Variants in XKR9 observed in about 807,000 individuals in gnomAD.
The protein encoded by XKR9 is XK related 9.
In XKR9, 32 loss-of-function variants were observed where a neutral mutation model predicts 32.0. The observed-to-expected ratio is 1.00, with a 90% CI of 0.76 to 1.34. The LOEUF (loss-of-function observed/expected upper bound fraction) is 1.34. Among genes scored for constraint, XKR9 ranks in the 40% most tolerant of loss-of-function variants. XKR9 has a pLI of 0.00. For synonymous variants in XKR9, 168 were observed against 143.4 expected (o/e 1.17, Z -1.22); for missense variants, 546 against 429.7 (o/e 1.27, Z -2.39).
chr8:70,837,042 G>A, the XKR9 span, among the ~76,000 whole-genome samples: 3 of 152,184 alleles, frequency 2.0e-5, no homozygotes, highest in South Asian at 4.1e-4. Context: ...GAGCCTGAAT[G>A]GTTCAAAATA....
chr8:70,809,698 T>C, the XKR9 span, among the ~76,000 whole-genome samples: 1 of 152,054 alleles, frequency 6.6e-6, no homozygotes, highest in East Asian at 1.9e-4. Context: ...GTATCAGTGA[T>C]GGAAGATCAA....
chr8:70,723,656 C>T (rs965820088), intron 4 of XKR9, among the ~76,000 whole-genome samples: 1 of 152,200 alleles, frequency 6.6e-6, no homozygotes, highest in Admixed American at 6.5e-5. Context: ...TGCAGAACAG[C>T]AAAGATTGCT....
the XKR9 span, among the ~76,000 whole-genome samples, chr8:70,964,482 G>A: frequency 6.6e-6 from 1 of 152,138 alleles, no homozygotes; most frequent in African/African-American, 2.4e-5. Flanking sequence ...TTTTAAAATT[G>A]TTTATTCTAA....
At chr8:70,786,537 G>C (rs984934219) in intron 2 of XKR9, among the ~76,000 whole-genome samples, 1 of 151,212 alleles carries the variant, frequency 6.6e-6, no homozygotes, top group African/African-American at 2.4e-5. Flanking sequence ...TCCTTTTTTT[G>C]CTTCTTTTTA....
intron 2 of XKR9, among the ~76,000 whole-genome samples, chr8:70,741,991 T>A (rs1209585186): frequency 6.6e-6 from 1 of 151,828 alleles, no homozygotes; most frequent in Non-Finnish European, 1.5e-5. Flanking sequence ...TTGATAATGG[T>A]CACCCTAATG....
chr8:70,698,160 AG>A (rs1805362641), intron 3 of XKR9, among the ~76,000 whole-genome samples: 1 of 151,926 alleles, frequency 6.6e-6, no homozygotes, highest in Admixed American at 6.6e-5. Context: ...AATTTTTTGA[AG>A]GTTTTTTTGT....
At chr8:71,040,946 G>C in the XKR9 span, among the ~76,000 whole-genome samples, 3 of 151,948 alleles carry the variant, frequency 2.0e-5, no homozygotes, top group African/African-American at 7.3e-5. Flanking sequence ...TTGGTCAGAT[G>C]GTCTGAACAT....
At chr8:70,707,181 A>C (rs1461245058) in intron 4 of XKR9, 28 bp downstream of exon 4, 2 of 1,580,358 alleles carry the variant, frequency 1.3e-6, no homozygotes, top group Non-Finnish European at 1.7e-6. Flanking sequence ...CCTTGTGTTA[A>C]ATGGATGCCA....
At chr8:70,679,454 TATAAGGCTGAAA>T (rs1462582079) in intron 2 of XKR9, among the ~76,000 whole-genome samples, 1 of 152,136 alleles carries the variant, frequency 6.6e-6, no homozygotes. Flanking sequence ...GAAAATAAAG[TATAAGGCTGAAA>T]AGAATACATC....
intron 3 of XKR9, among the ~76,000 whole-genome samples, chr8:70,706,119 A>G (rs531277261): frequency 1.2e-4 from 18 of 152,240 alleles, no homozygotes; most frequent in Admixed American, 2.0e-4. Flanking sequence ...CCTTTATTTT[A>G]TATGTGAAGA....
At chr8:70,896,429 T>G in the XKR9 span, among the ~76,000 whole-genome samples, 180 of 152,190 alleles carry the variant, frequency 1.2e-3, no homozygotes, top group African/African-American at 4.2e-3. Context: ...ATTCTGTCTT[T>G]CAAGACACTG....
At chr8:70,990,310 A>G in the XKR9 span, among the ~76,000 whole-genome samples, 1 of 152,202 alleles carries the variant, frequency 6.6e-6, no homozygotes, top group Non-Finnish European at 1.5e-5. Context: ...CTCTGATATA[A>G]AAGCTCACAT....
At chr8:70,788,553 T>C (rs1807722100) in intron 2 of XKR9, among the ~76,000 whole-genome samples, 1 of 152,094 alleles carries the variant, frequency 6.6e-6, no homozygotes, top group Non-Finnish European at 1.5e-5. Context: ...AATATCCAAG[T>C]CTGTACTGAA....
chr8:71,053,285 G>T, the XKR9 span, among the ~76,000 whole-genome samples: 3 of 152,228 alleles, frequency 2.0e-5, no homozygotes, highest in African/African-American at 7.2e-5. Context: ...TGGATCCGGA[G>T]TATAGCCTGG....
chr8:70,899,926 G>C, the XKR9 span, among the ~76,000 whole-genome samples: 1,471 of 152,150 alleles, frequency 9.7e-3, 22 homozygotes, highest in African/African-American at 0.034. Flanking sequence ...TATCTGTAGA[G>C]TGCATTTCTA....
At chr8:70,769,521 C>G (rs532607836) in intron 2 of XKR9, among the ~76,000 whole-genome samples, 114 of 152,006 alleles carry the variant, frequency 7.5e-4, no homozygotes, top group Non-Finnish European at 1.3e-3. Flanking sequence ...GGATAATATC[C>G]TGAAGTGTGT....
the XKR9 span, among the ~76,000 whole-genome samples, chr8:70,995,076 TA>T: frequency 6.6e-6 from 1 of 152,230 alleles, no homozygotes; most frequent in Non-Finnish European, 1.5e-5. Flanking sequence ...CTTTACAAAC[TA>T]TGTCCTGCTT....
chr8:71,042,089 A>G, the XKR9 span, among the ~76,000 whole-genome samples: 160 of 152,200 alleles, frequency 1.1e-3, 3 homozygotes, highest in South Asian at 0.032. Flanking sequence ...CCAGAGAGAG[A>G]GTGACTGCCA....
chr8:70,850,315 G>C, the XKR9 span, among the ~76,000 whole-genome samples: 1 of 151,728 alleles, frequency 6.6e-6, no homozygotes, highest in Non-Finnish European at 1.5e-5. Context: ...CAAAACATTA[G>C]CTGGGTGTGG....
Sources: gnomAD v4.1 joint callset for allele counts (sites outside exome capture counted in the v4.1 genomes callset) on GRCh38, gnomAD v4.1.1 for gene constraint, MANE v1.5 for transcripts, NCBI Gene and HGNC (gene_info 2026-07-23, HGNC 2026-07-21) for gene names.